RPS6KA5: variants seen among roughly 807,000 people sequenced by gnomAD.
RPS6KA5 encodes the protein ribosomal protein S6 kinase A5.
In RPS6KA5, 27 loss-of-function variants were observed where a neutral mutation model predicts 85.5. The ratio of observed to expected loss-of-function variants is 0.32; its 90% CI spans 0.23 to 0.44. RPS6KA5 has a LOEUF of 0.44. RPS6KA5 is among the 20% of genes least tolerant of loss of function. RPS6KA5 has a pLI of 1.00. For missense variants in RPS6KA5, 811 were observed against 980.9 expected, an observed-to-expected ratio of 0.83 and a Z score of 2.31; for synonymous variants, 334 against 348.2, an observed-to-expected ratio of 0.96 and a Z score of 0.46.
intron 13 of RPS6KA5, among the ~76,000 whole-genome samples, chr14:90,891,517 T>TTGAAAG (rs2034555946): frequency 6.6e-6 from 1 of 152,132 alleles, no homozygotes; most frequent in Admixed American, 6.6e-5. Flanking sequence ...GTAAGTGAAA[T>TTGAAAG]CTGATTATAT....
In RPS6KA5 at chr14:90,858,231, A is replaced by C. The variant is rs1400414700; in HGVS notation, c.*13843T>G. 1 of 152,106 alleles carries C rather than the reference A, an allele frequency of 6.6e-6. No homozygotes were observed. Among genetic ancestry groups the C allele is most frequent in the Non-Finnish European group, 1.5e-5 (1 of 67,972 alleles). The allele number at this position is 152,106 out of a possible 1,614,324, so 9.4% of individuals were successfully genotyped here. ...AAATCTGACTGATTTTCAATGTGAA[A>C]ATAAAATATAAAAACTGTTCTTGAT... On this transcript the variant is annotated 3_prime_UTR_variant, in exon 17 of 17. Coordinates refer to ENST00000614987, the MANE Select transcript of RPS6KA5 (RefSeq NM_004755.4).
At chr14:90,956,119 T>C (rs1196982239) in intron 3 of RPS6KA5, among the ~76,000 whole-genome samples, 2 of 152,318 alleles carry the variant, frequency 1.3e-5, no homozygotes, top group East Asian at 3.9e-4. Context: ...TGCATATAAG[T>C]TACATGCAAA....
At chr14:91,021,555 GAC>G (rs1202205467) in intron 1 of RPS6KA5, among the ~76,000 whole-genome samples, 2 of 152,142 alleles carry the variant, frequency 1.3e-5, no homozygotes, top group African/African-American at 4.8e-5. Context: ...TGGGATTACA[GAC>G]ACATGCCACC....
chr14:90,951,210 G>A (rs568357294), intron 3 of RPS6KA5, among the ~76,000 whole-genome samples: 9 of 151,626 alleles, frequency 5.9e-5, no homozygotes, highest in Non-Finnish European at 8.8e-5. Flanking sequence ...AAGGCTGGGC[G>A]CGGTGGCTCA....
intron 5 of RPS6KA5, among the ~76,000 whole-genome samples, chr14:90,926,131 A>G (rs531639996): frequency 6.6e-6 from 1 of 152,192 alleles, no homozygotes; most frequent in African/African-American, 2.4e-5. Flanking sequence ...ATTGCTGGGC[A>G]TGGTGGCTCA....
intron 14 of RPS6KA5, among the ~76,000 whole-genome samples, chr14:90,876,747 G>A (rs1221399078): frequency 6.6e-6 from 1 of 152,232 alleles, no homozygotes; most frequent in East Asian, 1.9e-4. Flanking sequence ...AGCCTGGGCT[G>A]AGGGAAGCGT....
At position 90,855,320 on chromosome 14, in the gene RPS6KA5, T is replaced by C. The variant is rs2140101243; in HGVS notation, c.*16754A>G. The C allele has an allele frequency of 6.6e-6, 1 of 152,362 alleles. No homozygotes were observed. Among genetic ancestry groups the C allele is most frequent in the Middle Eastern group, 3.4e-3 (1 of 294 alleles). The allele number at this position is 152,362 out of a possible 1,614,324, so 9.4% of individuals were successfully genotyped here. On this transcript the variant is annotated 3_prime_UTR_variant, in exon 17 of 17. Transcript: ENST00000614987. Reference sequence around the variant, plus strand: ...TTTCTGAATAAATATTTCAGCTAACTGCACAAATGAGCCTGCTTCTGAGAC... The same window carrying C: ...TTTCTGAATAAATATTTCAGCTAACCGCACAAATGAGCCTGCTTCTGAGAC...
At chr14:90,911,767 AAAG>A (rs1271016100) in intron 7 of RPS6KA5, among the ~76,000 whole-genome samples, 7 of 152,260 alleles carry the variant, frequency 4.6e-5, no homozygotes, top group African/African-American at 1.7e-4. Context: ...TACAAGTAAA[AAAG>A]AATAAAACAT....
At chr14:90,980,215 C>A in intron 2 of RPS6KA5, among the ~76,000 whole-genome samples, 1 of 152,194 alleles carries the variant, frequency 6.6e-6, no homozygotes, top group Non-Finnish European at 1.5e-5. Context: ...TGCACTACAC[C>A]TTCCAACAGG....
chr14:91,032,820 T>C (rs2042241816), intron 1 of RPS6KA5, among the ~76,000 whole-genome samples: 1 of 145,770 alleles, frequency 6.9e-6, no homozygotes, highest in Admixed American at 6.8e-5. Context: ...AACAGAAAAA[T>C]AGGAAAAAGA....
At chr14:91,033,776 T>C (rs970701188) in intron 1 of RPS6KA5, among the ~76,000 whole-genome samples, 1 of 152,182 alleles carries the variant, frequency 6.6e-6, no homozygotes, top group Non-Finnish European at 1.5e-5. Flanking sequence ...CTTGTAGGCA[T>C]GTATCTGAGA....
chr14:90,997,506 G>A (rs1566843626), intron 2 of RPS6KA5, among the ~76,000 whole-genome samples: 1 of 152,018 alleles, frequency 6.6e-6, no homozygotes, highest in Admixed American at 6.6e-5. Flanking sequence ...AGCCTCCCAA[G>A]TAGCTAGGAA....
chr14:90,991,958 T>A (rs747321617), intron 2 of RPS6KA5, among the ~76,000 whole-genome samples: 12 of 152,128 alleles, frequency 7.9e-5, no homozygotes, highest in Non-Finnish European at 1.6e-4. Flanking sequence ...AGATATTTGA[T>A]GAATAGCATT....
At chr14:91,014,159 G>GA (rs1187136181) in intron 1 of RPS6KA5, among the ~76,000 whole-genome samples, 4 of 151,892 alleles carry the variant, frequency 2.6e-5, no homozygotes, top group Non-Finnish European at 5.9e-5. Flanking sequence ...TAACTCAAAA[G>GA]AAAAAATTAG....
In RPS6KA5 at chr14:90,852,699, AT is replaced by A. The variant is rs2032062377; in HGVS notation, c.*19374del. 6.7e-6 allele frequency: 1 copy of A among 148,560 alleles called. No individual in the cohort carries two copies. The highest frequency in any genetic ancestry group is 1.5e-5 in the Non-Finnish European group (1 of 67,152). 9.2% of individuals were successfully genotyped at this position (148,560 alleles called of 1,614,324 possible). On this transcript the variant is annotated 3_prime_UTR_variant, in exon 17 of 17. Coordinates refer to ENST00000614987, the MANE Select transcript of RPS6KA5 (RefSeq NM_004755.4). ...AGTATTTGTCTTTAAACAAAAATAA[AT>A]TCCAGTTAGCCTTTGCTGGGAGAAA...
intron 13 of RPS6KA5, among the ~76,000 whole-genome samples, chr14:90,893,516 C>G (rs2034671459): frequency 6.6e-6 from 1 of 151,966 alleles, no homozygotes. Flanking sequence ...TCTAATAATT[C>G]AAGATACCTA....
chr14:90,962,309 G>GT (rs5810523), intron 3 of RPS6KA5, among the ~76,000 whole-genome samples: 53 of 149,114 alleles, frequency 3.6e-4, no homozygotes, highest in Non-Finnish European at 6.4e-4. Flanking sequence ...TCTTGGCACA[G>GT]TTTTTTTTTT....
intron 14 of RPS6KA5, among the ~76,000 whole-genome samples, chr14:90,877,510 A>C (rs558227544): frequency 6.6e-6 from 1 of 152,142 alleles, no homozygotes; most frequent in Non-Finnish European, 1.5e-5. Flanking sequence ...CACCAGAGTA[A>C]CAGTCATGCA....
At chr14:91,037,325 ATC>A in intron 1 of RPS6KA5, among the ~76,000 whole-genome samples, 1 of 152,132 alleles carries the variant, frequency 6.6e-6, no homozygotes, top group East Asian at 1.9e-4. Flanking sequence ...ACTGCCCCAA[ATC>A]TCTGTGGATA....
Sources: allele counts gnomAD v4.1 joint callset (sites outside exome capture counted in the v4.1 genomes callset), GRCh38; gene constraint gnomAD v4.1.1; transcripts MANE v1.5; gene names NCBI Gene and HGNC (gene_info 2026-07-23, HGNC 2026-07-21).